KHDRBS2: variants seen among roughly 807,000 people sequenced by gnomAD.
KHDRBS2 encodes KH domain-containing, RNA-binding, signal transduction-associated protein 2.
A neutral mutation model predicts 44.3 loss-of-function variants in KHDRBS2; 26 were observed. The ratio of observed to expected loss-of-function variants is 0.59; its 90% confidence interval spans 0.43 to 0.81. The LOEUF (loss-of-function observed/expected upper bound fraction) is 0.81, where lower values mean the gene tolerates loss of function less well. KHDRBS2 is among the 40% of genes least tolerant of loss of function. The pLI is 0.00. For missense variants in KHDRBS2, 476 were observed against 433.1 expected (o/e 1.10, Z -0.88); for synonymous variants, 194 against 151.1 (o/e 1.28, Z -2.08).
At chr6:62,263,200 C>T (rs1018667919) in intron 1 of KHDRBS2, among the ~76,000 whole-genome samples, 4 of 151,762 alleles carry the variant, frequency 2.6e-5, no homozygotes, top group Middle Eastern at 3.4e-3. Flanking sequence ...ACATTCAGTG[C>T]TATGAAATTT....
At chr6:62,215,403 T>A (rs569355888) in intron 1 of KHDRBS2, among the ~76,000 whole-genome samples, 1 of 151,702 alleles carries the variant, frequency 6.6e-6, no homozygotes, top group African/African-American at 2.4e-5. Flanking sequence ...TTATGATTAC[T>A]CAGCTCCTTC....
intron 2 of KHDRBS2, among the ~76,000 whole-genome samples, chr6:62,129,045 T>A (rs1393225432): frequency 6.6e-6 from 1 of 152,132 alleles, no homozygotes; most frequent in Non-Finnish European, 1.5e-5. Flanking sequence ...TGAAGTTGGA[T>A]GTCAGACTCA....
chr6:61,983,245 T>TCTTTCTTTCTTTC (rs1376239482), intron 3 of KHDRBS2, among the ~76,000 whole-genome samples: 68 of 140,010 alleles, frequency 4.9e-4, no homozygotes, highest in African/African-American at 1.7e-3. Flanking sequence ...TCTTTTTTTT[T>TCTTTCTTTCTTTC]TTTTTTTTTT....
the KHDRBS2 span, among the ~76,000 whole-genome samples, chr6:61,559,065 C>A: frequency 1.8e-4 from 28 of 152,162 alleles, no homozygotes; most frequent in Admixed American, 5.2e-4. Flanking sequence ...CTCTCACTAG[C>A]TCTAATATTT....
chr6:61,682,697 C>T (rs1232540490), intron 8 of KHDRBS2, among the ~76,000 whole-genome samples: 1 of 151,750 alleles, frequency 6.6e-6, no homozygotes, highest in Non-Finnish European at 1.5e-5. Context: ...TGCTCTAGAC[C>T]ATGTTGTTTT....
chr6:62,186,906 T>C (rs1388889499), intron 1 of KHDRBS2, among the ~76,000 whole-genome samples: 1 of 152,154 alleles, frequency 6.6e-6, no homozygotes, highest in Admixed American at 6.6e-5. Flanking sequence ...GGTCCCTTTC[T>C]TTGAATGTAT....
chr6:61,894,779 G>T lies in KHDRBS2; in HGVS notation c.666C>A (p.Thr222=), dbSNP rs1802618113. The T allele has an allele frequency of 6.2e-7, 1 of 1,613,216 alleles. No individual in the cohort carries two copies. Among genetic ancestry groups the T allele is most frequent in the African/African-American group, 1.3e-5 (1 of 74,982 alleles). ...PPPPPGRGVL[T]PRGSTVTRGA... Reference sequence around the variant, plus strand: ...CACGGGTTACAGTGCTTCCCCGAGGGGTGAGAACACCTCGTCCAGGTGGTG... The same window carrying T: ...CACGGGTTACAGTGCTTCCCCGAGGTGTGAGAACACCTCGTCCAGGTGGTG... Residue 222 remains threonine (T), a synonymous_variant, in exon 6 of 9, where the codon ACC becomes ACA. Coordinates refer to ENST00000281156, the MANE Select transcript of KHDRBS2 (RefSeq NM_152688.4).
chr6:62,279,675 G>T (rs994883201), intron 1 of KHDRBS2, among the ~76,000 whole-genome samples: 4 of 152,136 alleles, frequency 2.6e-5, no homozygotes, highest in African/African-American at 7.2e-5. Context: ...CTTACTAGAA[G>T]AAGGAATAGC....
At chr6:61,862,788 G>A (rs758613902) in intron 6 of KHDRBS2, among the ~76,000 whole-genome samples, 13 of 151,974 alleles carry the variant, frequency 8.6e-5, no homozygotes, top group African/African-American at 2.9e-4. Flanking sequence ...TTTCCTTTTG[G>A]TGATATCTCT....
chr6:61,669,715 A>AC, the KHDRBS2 span, among the ~76,000 whole-genome samples: 2 of 151,012 alleles, frequency 1.3e-5, no homozygotes, highest in Admixed American at 6.6e-5. Context: ...CATAGCTCAT[A>AC]ATTCTATGAG....
At chr6:61,693,241 T>C (rs1467811212) in intron 8 of KHDRBS2, among the ~76,000 whole-genome samples, 1 of 152,154 alleles carries the variant, frequency 6.6e-6, no homozygotes, top group Admixed American at 6.6e-5. Flanking sequence ...TTTTATCATC[T>C]GCCTATTTGG....
chr6:62,088,832 C>A (rs1305031614), intron 2 of KHDRBS2, among the ~76,000 whole-genome samples: 1 of 152,162 alleles, frequency 6.6e-6, no homozygotes, highest in Non-Finnish European at 1.5e-5. Flanking sequence ...CCACCCCTTG[C>A]CCCAGGTGCT....
intron 2 of KHDRBS2, among the ~76,000 whole-genome samples, chr6:62,142,022 A>G (rs1221811922): frequency 1.3e-5 from 2 of 152,028 alleles, no homozygotes; most frequent in Non-Finnish European, 2.9e-5. Context: ...AAATTTAACT[A>G]CCGGTCCTAG....
chr6:62,109,835 A>C (rs533567054), intron 2 of KHDRBS2, among the ~76,000 whole-genome samples: 1 of 152,010 alleles, frequency 6.6e-6, no homozygotes, highest in South Asian at 2.1e-4. Flanking sequence ...AGGAAAAATA[A>C]AAATAATTTC....
rs1388377544 is a variant in KHDRBS2, at chr6:61,726,632, A to C, written c.893+6050T>G. ...TAGCATTCCTATACATCAACAATAG[A>C]CAAGCAGAGAGCCAAATCATGAATA... On this transcript the variant is annotated intron_variant, in intron 7 of 8. Transcript: ENST00000281156. 4.6e-5 allele frequency among the ~76,000 whole-genome samples: 7 copies of C among 152,284 alleles called. No individual in the cohort carries two copies. In the South Asian group the frequency reaches 1.0e-3, roughly 23 times the overall value.
chr6:62,188,185 C>CA (rs982673613), intron 1 of KHDRBS2, among the ~76,000 whole-genome samples: 6 of 152,048 alleles, frequency 3.9e-5, no homozygotes, highest in African/African-American at 1.4e-4. Context: ...CCACCTTCAA[C>CA]ACTGGGGATT....
At chr6:61,985,540 G>A (rs1774897637) in intron 3 of KHDRBS2, among the ~76,000 whole-genome samples, 2 of 152,124 alleles carry the variant, frequency 1.3e-5, no homozygotes, top group Admixed American at 1.3e-4. Context: ...GTTTTCAAAT[G>A]TTGTTATAGG....
chr6:62,277,436 G>A (rs182713763), intron 1 of KHDRBS2, among the ~76,000 whole-genome samples: 1 of 151,970 alleles, frequency 6.6e-6, no homozygotes, highest in Non-Finnish European at 1.5e-5. Context: ...CCACCTCCCG[G>A]GTTCACACCA....
chr6:61,625,919 C>T, the KHDRBS2 span, among the ~76,000 whole-genome samples: 1 of 152,128 alleles, frequency 6.6e-6, no homozygotes, highest in Non-Finnish European at 1.5e-5. Context: ...AACTCCTAAC[C>T]ATGGAATTGT....
Sources: gnomAD v4.1 joint callset for allele counts (sites outside exome capture counted in the v4.1 genomes callset) on GRCh38, gnomAD v4.1.1 for gene constraint, MANE v1.5 for transcripts, NCBI Gene and HGNC (gene_info 2026-07-23, HGNC 2026-07-21) for gene names.